The following KCNK13 variants were observed in gnomAD, a reference collection of about 807,000 sequenced individuals.
KCNK13 encodes potassium channel subfamily K member 13.
Under a neutral mutation model 23.4 loss-of-function variants are expected in KCNK13, and 12 were observed. The ratio of observed to expected loss-of-function variants is 0.51; its 90% CI spans 0.33 to 0.83. KCNK13 has a LOEUF of 0.83. Ranked by LOEUF, KCNK13 falls within the 40% of genes least tolerant of loss-of-function variation. KCNK13 has a pLI of 0.02. For missense variants in KCNK13, 463 were observed against 556.3 expected (o/e 0.83, Z 1.69); for synonymous variants, 231 against 229.5 (o/e 1.01, Z -0.06).
At chr14:90,069,030 C>CTTTTTTT (rs34881625) in intron 1 of KCNK13, among the ~76,000 whole-genome samples, 5 of 90,100 alleles carry the variant, frequency 5.5e-5, no homozygotes, top group Non-Finnish European at 6.3e-5. Flanking sequence ...AGTTTTTATT[C>CTTTTTTT]TTTTTTTTTT....
chr14:90,119,434 C>G (rs898510356), intron 1 of KCNK13, among the ~76,000 whole-genome samples: 1 of 152,132 alleles, frequency 6.6e-6, no homozygotes, highest in Admixed American at 6.6e-5. Flanking sequence ...ACATCAAAAA[C>G]TAATCCACCA....
chr14:90,173,973 G>C (rs1028200944), intron 1 of KCNK13, among the ~76,000 whole-genome samples: 2 of 152,142 alleles, frequency 1.3e-5, no homozygotes, highest in African/African-American at 2.4e-5. Flanking sequence ...CATGGCAGCA[G>C]GCAAGAGAAA....
At chr14:90,177,156 C>G (rs1316373593) in intron 1 of KCNK13, 2 of 152,218 alleles carry the variant, frequency 1.3e-5, no homozygotes, top group Non-Finnish European at 2.9e-5. Flanking sequence ...GATCACGCAA[C>G]TGCACTCCAG....
In KCNK13 at chr14:90,184,433, T is replaced by G; in HGVS notation, c.657T>G (p.Ile219Met). Residue 219 changes from isoleucine to methionine, a missense_variant, in exon 2 of 2, where the codon ATT (isoleucine) becomes ATG (methionine). Coordinates refer to ENST00000282146, the MANE Select transcript of KCNK13 (RefSeq NM_022054.4). The surrounding 1 kb of genome is among the most constrained non-coding windows in gnomAD (Gnocchi z 5.6). The stretch of plus-strand genomic sequence containing the variant: ...GCGCCTCAGCCATGTACACCCCCAT[T>G]GAAGGCTGGAGCTACTTTGACTCAC... ...SCCASAMYTP[I>M]EGWSYFDSLY... 1 of 1,614,214 alleles carries G rather than the reference T, an allele frequency of 6.2e-7. No individual in the cohort carries two copies. Among genetic ancestry groups the G allele is most frequent in the Non-Finnish European group, 8.5e-7 (1 of 1,180,026 alleles).
At chr14:90,136,090 A>C (rs911805234) in intron 1 of KCNK13, among the ~76,000 whole-genome samples, 1 of 152,034 alleles carries the variant, frequency 6.6e-6, no homozygotes, top group African/African-American at 2.4e-5. Flanking sequence ...GAGATGTGCC[A>C]CCAAGAAGGA....
intron 1 of KCNK13, among the ~76,000 whole-genome samples, chr14:90,136,288 C>T (rs1471866521): frequency 6.6e-6 from 1 of 152,132 alleles, no homozygotes; most frequent in Non-Finnish European, 1.5e-5. Context: ...TACAGGTCTT[C>T]CATGTCCATC....
intron 1 of KCNK13, among the ~76,000 whole-genome samples, chr14:90,152,175 C>G (rs187834508): frequency 6.6e-6 from 1 of 152,294 alleles, no homozygotes; most frequent in East Asian, 1.9e-4. Flanking sequence ...GAATGAGTCT[C>G]ACGAGATCTG....
chr14:90,184,205 C>T lies in KCNK13; in HGVS notation c.429C>T (p.Asn143=), dbSNP rs1890518736. 2 of 1,614,118 alleles carry T rather than the reference C, an allele frequency of 1.2e-6. No homozygotes were observed. The highest frequency in any genetic ancestry group is 1.1e-5 in the South Asian group (1 of 91,084). The stretch of plus-strand genomic sequence containing the variant: ...GTTCCAGCACCATCTTGTTCTTCAA[C>T]CTCTTCCTGGAGCGCCTGATCACCA... ...VGCSSTILFF[N]LFLERLITII... Residue 143 remains asparagine (N), a synonymous_variant, in exon 2 of 2, where the codon AAC becomes AAT. Transcript: ENST00000282146. The surrounding 1 kb of genome is among the most constrained non-coding windows in gnomAD (Gnocchi z 5.6).
At chr14:90,162,972 A>C (rs1196604804) in intron 1 of KCNK13, among the ~76,000 whole-genome samples, 1 of 152,224 alleles carries the variant, frequency 6.6e-6, no homozygotes, top group Non-Finnish European at 1.5e-5. Context: ...TAAAAACATA[A>C]GCAGGCAAGT....
chr14:90,126,442 T>TGACGTGAC (rs1566956214), intron 1 of KCNK13, among the ~76,000 whole-genome samples: 2 of 90,060 alleles, frequency 2.2e-5, no homozygotes, highest in South Asian at 3.6e-4. Flanking sequence ...TGTGACGTGA[T>TGACGTGAC]GTGACGTGAC....
At chr14:90,092,215 C>T (rs190852973) in intron 1 of KCNK13, among the ~76,000 whole-genome samples, 2 of 152,330 alleles carry the variant, frequency 1.3e-5, no homozygotes, top group Admixed American at 1.3e-4. Context: ...AGCCACCGCA[C>T]CCAGCCGGGA....
At chr14:90,162,437 G>A (rs1228498284) in intron 1 of KCNK13, among the ~76,000 whole-genome samples, 3 of 152,154 alleles carry the variant, frequency 2.0e-5, no homozygotes, top group East Asian at 1.9e-4. Flanking sequence ...TCATTGGATT[G>A]TATCAATGTC....
chr14:90,174,469 T>A (rs1387063136), intron 1 of KCNK13, among the ~76,000 whole-genome samples: 1 of 152,124 alleles, frequency 6.6e-6, no homozygotes, highest in African/African-American at 2.4e-5. Flanking sequence ...GAGGTGACAT[T>A]TGGGTGGGGA....
intron 1 of KCNK13, among the ~76,000 whole-genome samples, chr14:90,126,692 C>T (rs1028625412): frequency 1.3e-5 from 2 of 152,084 alleles, no homozygotes; most frequent in Admixed American, 6.5e-5. Flanking sequence ...TACAGGCACA[C>T]GCCACCATCC....
intron 1 of KCNK13, among the ~76,000 whole-genome samples, chr14:90,122,544 A>T (rs1488681332): frequency 6.6e-6 from 1 of 151,968 alleles, no homozygotes; most frequent in Non-Finnish European, 1.5e-5. Context: ...GGGTTTCACC[A>T]TGTTGGCCAG....
intron 1 of KCNK13, among the ~76,000 whole-genome samples, chr14:90,174,699 CA>C (rs1035360697): frequency 4.1e-4 from 62 of 151,888 alleles, no homozygotes; most frequent in African/African-American, 1.4e-3. Flanking sequence ...ACAAAAAATC[CA>C]AAAATTGGTT....
intron 1 of KCNK13, among the ~76,000 whole-genome samples, chr14:90,163,357 TC>T (rs2088044595): frequency 6.6e-6 from 1 of 152,020 alleles, no homozygotes; most frequent in Non-Finnish European, 1.5e-5. Flanking sequence ...CAGAAGAAAA[TC>T]CCTTTGTCTC....
intron 1 of KCNK13, among the ~76,000 whole-genome samples, chr14:90,127,245 A>T (rs1023128955): frequency 6.6e-6 from 1 of 152,232 alleles, no homozygotes; most frequent in South Asian, 2.1e-4. Context: ...GTTTATTTTT[A>T]AAAAATGAAA....
intron 1 of KCNK13, among the ~76,000 whole-genome samples, chr14:90,118,185 C>T (rs1013473939): frequency 1.3e-5 from 2 of 152,130 alleles, no homozygotes; most frequent in African/African-American, 4.8e-5. Context: ...GGCACCGTTA[C>T]CCATCATGCT....
Sources: gnomAD v4.1 joint callset for allele counts (sites outside exome capture counted in the v4.1 genomes callset) on GRCh38, gnomAD v4.1.1 for gene constraint, Gnocchi (gnomAD v3.1) non-coding constraint, MANE v1.5 for transcripts, NCBI Gene and HGNC (gene_info 2026-07-23, HGNC 2026-07-21) for gene names.